SLC24A2: variants seen among roughly 807,000 people sequenced by gnomAD.
SLC24A2 encodes sodium/potassium/calcium exchanger 2.
In SLC24A2, 36 loss-of-function variants were observed where a neutral mutation model predicts 62.0. The ratio of observed to expected loss-of-function variants is 0.58; its 90% CI spans 0.44 to 0.77. The LOEUF (loss-of-function observed/expected upper bound fraction) is 0.77, where lower values mean the gene tolerates loss of function less well. Among genes scored for constraint, SLC24A2 ranks in the 30% least tolerant of loss-of-function variants. The pLI is 0.00. For synonymous variants in SLC24A2, 358 were observed against 294.0 expected (o/e 1.22, Z -2.23); for missense variants, 846 against 817.9 (o/e 1.03, Z -0.42).
chr9:19,683,231 A>G (rs1034328255), intron 2 of SLC24A2, among the ~76,000 whole-genome samples: 1 of 152,160 alleles, frequency 6.6e-6, no homozygotes, highest in Non-Finnish European at 1.5e-5. Flanking sequence ...CCCCACAGGC[A>G]AGATGCAGTT....
intron 7 of SLC24A2, among the ~76,000 whole-genome samples, chr9:19,566,838 T>G (rs1416208285): frequency 6.6e-6 from 1 of 152,148 alleles, no homozygotes; most frequent in Non-Finnish European, 1.5e-5. Context: ...GAAACAATCA[T>G]TCTCAGCAAA....
At chr9:19,724,892 C>G (rs1322005685) in intron 2 of SLC24A2, among the ~76,000 whole-genome samples, 1 of 152,150 alleles carries the variant, frequency 6.6e-6, no homozygotes, top group African/African-American at 2.4e-5. Context: ...AATAAGCAAA[C>G]TACAGTTAAA....
chr9:19,858,884 T>G, the SLC24A2 span, among the ~76,000 whole-genome samples: 4 of 152,316 alleles, frequency 2.6e-5, no homozygotes, highest in Middle Eastern at 3.4e-3. Flanking sequence ...AAAGGAATGC[T>G]TATGCACTGC....
the SLC24A2 span, among the ~76,000 whole-genome samples, chr9:19,850,891 T>C: frequency 7.0e-6 from 1 of 142,736 alleles, no homozygotes; most frequent in East Asian, 2.0e-4. Flanking sequence ...GTTTCCAGTT[T>C]TTGGCTATTA....
At chr9:20,186,646 C>G in the SLC24A2 span, among the ~76,000 whole-genome samples, 1 of 152,010 alleles carries the variant, frequency 6.6e-6, no homozygotes, top group Non-Finnish European at 1.5e-5. Context: ...CCAACCGCAC[C>G]TCCTTGGAAA....
intron 7 of SLC24A2, among the ~76,000 whole-genome samples, chr9:19,563,689 C>A (rs931303659): frequency 7.1e-6 from 1 of 141,734 alleles, no homozygotes; most frequent in Admixed American, 6.8e-5. Context: ...GACCTTCCTC[C>A]CTCCCTCCCT....
At chr9:19,671,234 T>A (rs889893458) in intron 2 of SLC24A2, among the ~76,000 whole-genome samples, 1 of 151,850 alleles carries the variant, frequency 6.6e-6, no homozygotes, top group Non-Finnish European at 1.5e-5. Context: ...CAGCAGTGTT[T>A]CATAGTTTTC....
chr9:20,287,348 G>A, the SLC24A2 span, among the ~76,000 whole-genome samples: 1 of 152,142 alleles, frequency 6.6e-6, no homozygotes, highest in Non-Finnish European at 1.5e-5. Context: ...ACCCATGGGA[G>A]GCTGCGGGAG....
chr9:19,758,240 A>G (rs1822205728), intron 2 of SLC24A2, among the ~76,000 whole-genome samples: 3 of 152,166 alleles, frequency 2.0e-5, no homozygotes, highest in Non-Finnish European at 4.4e-5. Flanking sequence ...CTACCTACCA[A>G]TAGACATGGA....
chr9:20,206,834 A>G, the SLC24A2 span, among the ~76,000 whole-genome samples: 1 of 151,286 alleles, frequency 6.6e-6, no homozygotes, highest in African/African-American at 2.4e-5. Flanking sequence ...AAGTTCTAAC[A>G]TAACAAAAAC....
At chr9:19,993,926 T>C in the SLC24A2 span, among the ~76,000 whole-genome samples, 1 of 152,244 alleles carries the variant, frequency 6.6e-6, no homozygotes, top group Non-Finnish European at 1.5e-5. Context: ...CACCCAGTTA[T>C]TGAGACCCCA....
At chr9:19,911,588 G>C in the SLC24A2 span, among the ~76,000 whole-genome samples, 1 of 152,124 alleles carries the variant, frequency 6.6e-6, no homozygotes, top group African/African-American at 2.4e-5. Flanking sequence ...CTTGATCTGA[G>C]CCTTGATCTT....
At chr9:20,288,589 C>G in the SLC24A2 span, among the ~76,000 whole-genome samples, 15 of 151,796 alleles carry the variant, frequency 9.9e-5, 1 homozygote, top group Non-Finnish European at 1.9e-4. Context: ...GCCAATATGG[C>G]GAAAACCTAT....
At chr9:19,762,835 GT>G (rs1256464702) in intron 2 of SLC24A2, among the ~76,000 whole-genome samples, 1 of 122,352 alleles carries the variant, frequency 8.2e-6, no homozygotes, top group Admixed American at 8.4e-5. Flanking sequence ...ATTTAAAGTT[GT>G]TTTTTCTAAT....
chr9:19,918,607 C>T, the SLC24A2 span, among the ~76,000 whole-genome samples: 1 of 152,130 alleles, frequency 6.6e-6, no homozygotes, highest in Non-Finnish European at 1.5e-5. Flanking sequence ...GGTTGTCTGT[C>T]TGCTGCCACT....
the SLC24A2 span, among the ~76,000 whole-genome samples, chr9:20,232,575 A>G: frequency 5.9e-5 from 9 of 152,096 alleles, no homozygotes; most frequent in East Asian, 1.9e-4. Context: ...TGGGATCGGT[A>G]GTGATATCCC....
chr9:19,757,178 G>C (rs1318831814), intron 2 of SLC24A2, among the ~76,000 whole-genome samples: 1 of 151,988 alleles, frequency 6.6e-6, no homozygotes, highest in Non-Finnish European at 1.5e-5. Flanking sequence ...ATGATAACAG[G>C]TTGTAAATTC....
chr9:19,629,189 C>G (rs1195836258), intron 2 of SLC24A2, among the ~76,000 whole-genome samples: 3 of 152,110 alleles, frequency 2.0e-5, no homozygotes, highest in African/African-American at 7.2e-5. Flanking sequence ...AGCTCAGATA[C>G]GAACTCAGAC....
chr9:19,837,072 G>A, the SLC24A2 span, among the ~76,000 whole-genome samples: 10 of 152,090 alleles, frequency 6.6e-5, no homozygotes, highest in South Asian at 2.1e-4. Context: ...TTGATGGGAC[G>A]TATCTCAAAA....
Sources: allele counts gnomAD v4.1 joint callset (sites outside exome capture counted in the v4.1 genomes callset), GRCh38; gene constraint gnomAD v4.1.1; transcripts MANE v1.5; gene names NCBI Gene and HGNC (gene_info 2026-07-23, HGNC 2026-07-21).